The following TNFSF11 variants were observed in gnomAD, a reference collection of about 807,000 sequenced individuals.
TNFSF11 encodes the protein tumor necrosis factor ligand superfamily member 11.
Under a neutral mutation model 32.2 loss-of-function variants are expected in TNFSF11, and 12 were observed. The ratio of observed to expected loss-of-function variants is 0.37; its 90% CI spans 0.24 to 0.60. TNFSF11 has a LOEUF of 0.60. Among genes scored for constraint, TNFSF11 ranks in the 20% least tolerant of loss-of-function variants. The pLI is 0.66. For synonymous variants in TNFSF11, 172 were observed against 152.1 expected, an observed-to-expected ratio of 1.13 and a Z score of -0.96; for missense variants, 345 against 398.0, an observed-to-expected ratio of 0.87 and a Z score of 1.13.
At chr13:42,601,489 T>TAA (rs1869172683) in intron 4 of TNFSF11, among the ~76,000 whole-genome samples, 1 of 152,188 alleles carries the variant, frequency 6.6e-6, no homozygotes, top group Non-Finnish European at 1.5e-5. Flanking sequence ...TCTGAGTAAA[T>TAA]GCTTAGCTTG....
chr13:42,576,166 GC>G (rs1447226935), intron 1 of TNFSF11, among the ~76,000 whole-genome samples: 1 of 152,214 alleles, frequency 6.6e-6, no homozygotes, highest in Non-Finnish European at 1.5e-5. Flanking sequence ...TCGGGATATG[GC>G]ATTTTCATTG....
intron 4 of TNFSF11, among the ~76,000 whole-genome samples, chr13:42,601,803 G>A (rs908452874): frequency 6.6e-6 from 1 of 152,162 alleles, no homozygotes; most frequent in African/African-American, 2.4e-5. Context: ...TGTCAATCAG[G>A]TGTTTTCCCC....
chr13:42,596,729 A>G (rs1270989737), intron 2 of TNFSF11, among the ~76,000 whole-genome samples: 2 of 152,280 alleles, frequency 1.3e-5, no homozygotes, highest in Admixed American at 6.5e-5. Context: ...CGTGGAATAT[A>G]TATGCAAGTC....
rs1381556976 is a variant in TNFSF11 at position 42,607,802 on chromosome 13, A to G, written c.*884A>G. ...ACATAATGGGCCACTGAAATCTGTC[A>G]AGAGTAGTTATATAATTGTTGAACA... On this transcript the variant is annotated 3_prime_UTR_variant, in exon 5 of 5. Coordinates refer to ENST00000398795, the MANE Select transcript of TNFSF11 (RefSeq NM_003701.4). 1 of 152,794 alleles carries G rather than the reference A, an allele frequency of 6.5e-6. No homozygotes were observed. The highest frequency in any genetic ancestry group is 1.5e-5 in the Non-Finnish European group (1 of 68,030). The allele number at this position is 152,794 out of a possible 1,614,324, so 9.5% of individuals were successfully genotyped here. A position where few individuals can be genotyped will look rare whatever the true frequency, so the allele number is the denominator to read the frequency against.
chr13:42,569,321 G>C (rs569239812), upstream of TNFSF11, among the ~76,000 whole-genome samples: 12 of 152,168 alleles, frequency 7.9e-5, no homozygotes, highest in East Asian at 1.5e-3. Context: ...GGCCGAGGTG[G>C]GTGGATCATG....
chr13:42,579,879 T>C (rs1873517550), intron 1 of TNFSF11, among the ~76,000 whole-genome samples: 1 of 152,152 alleles, frequency 6.6e-6, no homozygotes, highest in South Asian at 2.1e-4. Flanking sequence ...GTAGTCCTTA[T>C]ATGTGCAAGA....
intron 2 of TNFSF11, among the ~76,000 whole-genome samples, chr13:42,590,479 C>T (rs1016174184): frequency 4.6e-5 from 7 of 152,202 alleles, no homozygotes; most frequent in Admixed American, 1.3e-4. Flanking sequence ...GGCCTGGTAT[C>T]TCTGACCCCC....
intron 1 of TNFSF11, among the ~76,000 whole-genome samples, chr13:42,564,310 G>T (rs542098027): frequency 6.6e-6 from 1 of 152,266 alleles, no homozygotes; most frequent in Admixed American, 6.5e-5. Context: ...GCTCACACCT[G>T]TAATCCCAGC....
Position 42,607,012 on chromosome 13 carries a change from T to C in TNFSF11, c.*94T>C. The stretch of plus-strand genomic sequence containing the variant: ...GATGTATATAGGTGTGTGAGACTAC[T>C]AAGAGGCATGGCCCCAACGGTACAC... On this transcript the variant is annotated 3_prime_UTR_variant, in exon 5 of 5. Transcript: ENST00000398795. The C allele has an allele frequency of 1.3e-6, 2 of 1,522,660 alleles. No homozygotes were observed. The highest frequency in any genetic ancestry group is 1.8e-6 in the Non-Finnish European group (2 of 1,106,070). The allele number at this position is 1,522,660 out of a possible 1,614,324, so 94.3% of individuals were successfully genotyped here. A position where few individuals can be genotyped will look rare whatever the true frequency, so the allele number is the denominator to read the frequency against.
At chr13:42,590,531 C>A (rs1246568119) in intron 2 of TNFSF11, among the ~76,000 whole-genome samples, 1 of 152,158 alleles carries the variant, frequency 6.6e-6, no homozygotes, top group East Asian at 1.9e-4. Flanking sequence ...AGAGCAAAGT[C>A]TTTTCCAGAA....
Position 42,600,801 on chromosome 13 carries a change from A to G in TNFSF11, c.433+4A>G. Reference sequence around the variant, plus strand: ...CAGCACATCAGAGCAGAGAAAGGTAAGCATGGATCCATACATCTGTATGAA... The same window carrying G: ...CAGCACATCAGAGCAGAGAAAGGTAGGCATGGATCCATACATCTGTATGAA... On this transcript the variant is annotated splice_donor_region_variant and intron_variant, in intron 3 of 4. Coordinates refer to ENST00000398795, the MANE Select transcript of TNFSF11 (RefSeq NM_003701.4). 6.2e-7 allele frequency: 1 copy of G among 1,614,186 alleles called. No individual in the cohort carries two copies. The highest frequency in any genetic ancestry group is 1.1e-5 in the South Asian group (1 of 91,084).
rs1334054999 is a variant in TNFSF11 at position 42,606,965 on chromosome 13, T to C, written c.*47T>C. On this transcript the variant is annotated 3_prime_UTR_variant, in exon 5 of 5. Coordinates refer to ENST00000398795, the MANE Select transcript of TNFSF11 (RefSeq NM_003701.4). The stretch of plus-strand genomic sequence containing the variant: ...TGTATTTCCTGGATGTTTGGAAACA[T>C]TTTTTAAAACAAGCCAAGAAAGATG... The C allele has an allele frequency of 6.2e-7, 1 of 1,612,322 alleles. No individual in the cohort carries two copies. Among genetic ancestry groups the C allele is most frequent in the Non-Finnish European group, 8.5e-7 (1 of 1,179,082 alleles).
intron 2 of TNFSF11, among the ~76,000 whole-genome samples, chr13:42,584,146 T>C (rs752140872): frequency 2.0e-5 from 3 of 152,166 alleles, no homozygotes; most frequent in Non-Finnish European, 2.9e-5. Flanking sequence ...TGTAAAGACA[T>C]AACTATGCAC....
chr13:42,598,822 A>G (rs533625835), intron 2 of TNFSF11, among the ~76,000 whole-genome samples: 2 of 152,216 alleles, frequency 1.3e-5, no homozygotes, highest in Non-Finnish European at 2.9e-5. Context: ...AGAAAGAAAA[A>G]GATGCACTGT....
intron 4 of TNFSF11, among the ~76,000 whole-genome samples, chr13:42,602,375 C>T (rs1869222161): frequency 6.6e-6 from 1 of 152,074 alleles, no homozygotes; most frequent in African/African-American, 2.4e-5. Flanking sequence ...ACATATTCCA[C>T]CTTTTTCCTA....
At chr13:42,599,338 T>TATC (rs1374270083) in intron 2 of TNFSF11, among the ~76,000 whole-genome samples, 14,147 of 103,360 alleles carry the variant, frequency 0.14, 893 homozygotes, top group East Asian at 0.19. Context: ...TCTATCTATC[T>TATC]ATCTATCTAT....
intron 4 of TNFSF11, among the ~76,000 whole-genome samples, chr13:42,604,101 C>T (rs1869322321): frequency 6.6e-6 from 1 of 152,164 alleles, no homozygotes; most frequent in African/African-American, 2.4e-5. Flanking sequence ...GCCAGCTGAT[C>T]CATCCCATTG....
upstream of TNFSF11, among the ~76,000 whole-genome samples, chr13:42,570,621 T>C (rs1273820583): frequency 1.3e-5 from 2 of 152,162 alleles, no homozygotes; most frequent in South Asian, 2.1e-4. Context: ...AGTTGATATA[T>C]TGTTAAAATA....
chr13:42,569,599 ATTAGAG>A (rs1265808536), upstream of TNFSF11, among the ~76,000 whole-genome samples: 4 of 151,666 alleles, frequency 2.6e-5, no homozygotes, highest in Non-Finnish European at 5.9e-5. Flanking sequence ...AGAGAGAGAG[ATTAGAG>A]TTAGAGTCAG....
Sources: allele counts gnomAD v4.1 joint callset (sites outside exome capture counted in the v4.1 genomes callset), GRCh38; gene constraint gnomAD v4.1.1; transcripts MANE v1.5; gene names NCBI Gene and HGNC (gene_info 2026-07-23, HGNC 2026-07-21).